SYNPR: variants seen among roughly 807,000 people sequenced by gnomAD.
SYNPR encodes synaptoporin.
A neutral mutation model predicts 32.9 loss-of-function variants in SYNPR; 23 were observed. The observed-to-expected ratio is 0.70, with a 90% CI of 0.50 to 0.99. The LOEUF (loss-of-function observed/expected upper bound fraction) is 0.99. Ranked by LOEUF, SYNPR falls within the 50% of genes least tolerant of loss-of-function variation. The pLI is 0.00. For missense variants in SYNPR, 318 were observed against 349.3 expected, an observed-to-expected ratio of 0.91 and a Z score of 0.71; for synonymous variants, 146 against 135.9, an observed-to-expected ratio of 1.07 and a Z score of -0.52.
intron 4 of SYNPR, among the ~76,000 whole-genome samples, chr3:63,563,428 G>C (rs1702726050): frequency 6.6e-6 from 1 of 152,110 alleles, no homozygotes; most frequent in Non-Finnish European, 1.5e-5. Flanking sequence ...TTTCCCACCA[G>C]CTACACCTTT....
chr3:63,329,204 C>T (rs1419160085), intron 2 of SYNPR, among the ~76,000 whole-genome samples: 1 of 152,116 alleles, frequency 6.6e-6, no homozygotes, highest in Non-Finnish European at 1.5e-5. Context: ...ATGTTTAATA[C>T]ATTATTTTAT....
At chr3:63,537,180 C>G (rs915834976) in intron 3 of SYNPR, among the ~76,000 whole-genome samples, 2 of 152,046 alleles carry the variant, frequency 1.3e-5, no homozygotes, top group African/African-American at 4.8e-5. Flanking sequence ...CGTCCTTTCT[C>G]TGAGATGGTA....
chr3:63,430,869 A>G (rs1047280637), intron 2 of SYNPR, among the ~76,000 whole-genome samples: 31 of 152,192 alleles, frequency 2.0e-4, no homozygotes, highest in African/African-American at 7.0e-4. Flanking sequence ...CAGTAGCTGG[A>G]AAAGTAAGTG....
At chr3:63,442,416 A>T (rs2107161661) in intron 2 of SYNPR, among the ~76,000 whole-genome samples, 1 of 152,290 alleles carries the variant, frequency 6.6e-6, no homozygotes, top group Middle Eastern at 3.4e-3. Context: ...AGGCACACAG[A>T]CTTCCTCTCC....
chr3:63,230,674 C>T (rs2086159984), intron 1 of SYNPR, among the ~76,000 whole-genome samples: 1 of 152,282 alleles, frequency 6.6e-6, no homozygotes, highest in Non-Finnish European at 1.5e-5. Context: ...AGACTTCTAC[C>T]TCTAGTTTGT....
chr3:63,352,638 T>C (rs2087524590), intron 2 of SYNPR, among the ~76,000 whole-genome samples: 1 of 152,198 alleles, frequency 6.6e-6, no homozygotes, highest in South Asian at 2.1e-4. Context: ...GAGAATCCTT[T>C]ATGTATTAGT....
At chr3:63,503,288 TAATC>T (rs1231559664) in intron 3 of SYNPR, among the ~76,000 whole-genome samples, 2 of 152,194 alleles carry the variant, frequency 1.3e-5, no homozygotes, top group Non-Finnish European at 2.9e-5. Flanking sequence ...GCCCATTTTT[TAATC>T]AGAATGTTTC....
At chr3:63,205,890 C>G in the SYNPR span, among the ~76,000 whole-genome samples, 11 of 152,316 alleles carry the variant, frequency 7.2e-5, 1 homozygote, top group East Asian at 5.8e-4. Context: ...CATGAATCCC[C>G]AGAGCATGTT....
intron 3 of SYNPR, among the ~76,000 whole-genome samples, chr3:63,522,056 G>C (rs1242845371): frequency 6.6e-6 from 1 of 152,202 alleles, no homozygotes; most frequent in Non-Finnish European, 1.5e-5. Context: ...CTCAACCTCT[G>C]AGTTTCAAGG....
At chr3:63,566,521 T>G (rs1382354094) in intron 4 of SYNPR, among the ~76,000 whole-genome samples, 1 of 152,122 alleles carries the variant, frequency 6.6e-6, no homozygotes, top group Non-Finnish European at 1.5e-5. Flanking sequence ...GCTAGGGACA[T>G]GAAGTCAAAT....
At chr3:63,363,285 AT>A (rs1440207208) in intron 2 of SYNPR, among the ~76,000 whole-genome samples, 2 of 152,216 alleles carry the variant, frequency 1.3e-5, no homozygotes, top group African/African-American at 4.8e-5. Context: ...TTCAGAAAAA[AT>A]AATAATAATT....
At chr3:63,393,664 A>G (rs766152098) in intron 2 of SYNPR, among the ~76,000 whole-genome samples, 2 of 151,554 alleles carry the variant, frequency 1.3e-5, no homozygotes, top group Admixed American at 1.3e-4. Flanking sequence ...CACTTGGCCA[A>G]TATCTTTTGT....
chr3:63,371,586 C>G (rs1222879242), intron 2 of SYNPR, among the ~76,000 whole-genome samples: 1 of 152,214 alleles, frequency 6.6e-6, no homozygotes, highest in Non-Finnish European at 1.5e-5. Context: ...TGCCCTGCAG[C>G]CCTAATTGCT....
upstream of SYNPR, among the ~76,000 whole-genome samples, chr3:63,276,814 G>T (rs17068053): frequency 6.6e-6 from 1 of 151,886 alleles, no homozygotes; most frequent in Non-Finnish European, 1.5e-5. Context: ...TGAGCAGGGG[G>T]CATTTACACT....
At chr3:63,528,278 T>C (rs997040316) in intron 3 of SYNPR, among the ~76,000 whole-genome samples, 1 of 152,214 alleles carries the variant, frequency 6.6e-6, no homozygotes, top group Non-Finnish European at 1.5e-5. Flanking sequence ...TAGGGAATAC[T>C]GAGTTAAGCA....
intron 2 of SYNPR, chr3:63,443,090 A>C (rs1054301748): frequency 7.4e-6 from 8 of 1,076,036 alleles, no homozygotes; most frequent in Non-Finnish European, 9.0e-6. Flanking sequence ...GCAGTCCTGC[A>C]CTTCCAGTTG....
chr3:63,449,779 C>T (rs1020910019), intron 2 of SYNPR, among the ~76,000 whole-genome samples: 1 of 152,188 alleles, frequency 6.6e-6, no homozygotes, highest in Non-Finnish European at 1.5e-5. Flanking sequence ...TATCCCTTAC[C>T]TTTGCATAAC....
At chr3:63,417,559 C>T (rs2088558117) in intron 2 of SYNPR, among the ~76,000 whole-genome samples, 3 of 152,258 alleles carry the variant, frequency 2.0e-5, no homozygotes, top group African/African-American at 7.2e-5. Flanking sequence ...CCCTTCTGCA[C>T]TTCCCTAGCA....
chr3:63,313,748 TATATATATCC>T lies in SYNPR; in HGVS notation c.84+35015_84+35024del, dbSNP rs1376773585. Among the ~76,000 whole-genome samples the T allele has an allele frequency of 6.9e-3, 294 of 42,842 alleles. 18 individuals carry two copies. Among genetic ancestry groups the T allele is most frequent in the Non-Finnish European group, 7.8e-3 (178 of 22,896 alleles). The allele number at this position is 42,842 out of a possible 152,430, so 28.1% of individuals were successfully genotyped here. ...ATATATATCCATATATATATATCCA[TATATATATCC>T]ATATATATATCCATATATATATATC... On this transcript the variant is annotated intron_variant, in intron 2 of 5. Transcript: ENST00000478300.
Sources: gnomAD v4.1 joint callset for allele counts (sites outside exome capture counted in the v4.1 genomes callset) on GRCh38, gnomAD v4.1.1 for gene constraint, MANE v1.5 for transcripts, NCBI Gene and HGNC (gene_info 2026-07-23, HGNC 2026-07-21) for gene names.